RTF1: variants seen among roughly 807,000 people sequenced by gnomAD.
The protein encoded by RTF1 is RNA polymerase-associated protein RTF1 homolog.
RTF1 carries 10 observed loss-of-function variants against 95.7 expected under a neutral mutation model. That is an observed-to-expected ratio of 0.10 (90% CI 0.06 to 0.18). The LOEUF (loss-of-function observed/expected upper bound fraction) is 0.18, where lower values mean the gene tolerates loss of function less well. Among genes scored for constraint, RTF1 ranks in the 10% least tolerant of loss-of-function variants. The probability of loss-of-function intolerance (pLI) is 1.00; values close to 1 mark genes in which losing one functional copy is unlikely to be tolerated. For synonymous variants in RTF1, 305 were observed against 311.8 expected (o/e 0.98, Z 0.23); for missense variants, 458 against 875.6 (o/e 0.52, Z 6.02).
chr15:41,449,323 C>T (rs993222660), intron 2 of RTF1, among the ~76,000 whole-genome samples: 3 of 150,362 alleles, frequency 2.0e-5, no homozygotes, highest in Non-Finnish European at 4.4e-5. Flanking sequence ...CTCCGCCTCC[C>T]GGGTTCACAC....
At chr15:41,449,360 A>G (rs2050779178) in intron 2 of RTF1, among the ~76,000 whole-genome samples, 1 of 151,376 alleles carries the variant, frequency 6.6e-6, no homozygotes, top group South Asian at 2.1e-4. Context: ...CCTCCCAAGT[A>G]GCTGGGACTA....
chr15:41,444,014 G>A (rs1176193883), intron 2 of RTF1, among the ~76,000 whole-genome samples: 1 of 151,520 alleles, frequency 6.6e-6, no homozygotes, highest in East Asian at 1.9e-4. Context: ...CTTGCAGTGA[G>A]CCGAGATTGC....
At chr15:41,418,546 G>A (rs1477742315) in intron 1 of RTF1, among the ~76,000 whole-genome samples, 1 of 151,998 alleles carries the variant, frequency 6.6e-6, no homozygotes, top group Non-Finnish European at 1.5e-5. Context: ...GGCTGGGCGC[G>A]GTGGCTCACG....
At chr15:41,475,494 T>C in intron 9 of RTF1, 31 bp from the exon 10 acceptor site, 1 of 1,583,990 alleles carries the variant, frequency 6.3e-7, no homozygotes, top group Non-Finnish European at 8.7e-7. Context: ...ACATGCACAT[T>C]TCTTGGAGAT....
chr15:41,456,810 G>A (rs901947708), intron 3 of RTF1, among the ~76,000 whole-genome samples: 11 of 151,772 alleles, frequency 7.2e-5, no homozygotes, highest in Non-Finnish European at 4.4e-5. Context: ...AATAGGCCGA[G>A]CATGGTGGCT....
chr15:41,471,389 G>T, intron 8 of RTF1, 40 bp downstream of exon 8: 2 of 1,571,626 alleles, frequency 1.3e-6, no homozygotes, highest in Non-Finnish European at 1.7e-6. Flanking sequence ...CATGCTTTCA[G>T]TATAATTAGT....
intron 1 of RTF1, among the ~76,000 whole-genome samples, chr15:41,436,376 G>C (rs2050702526): frequency 6.6e-6 from 1 of 150,762 alleles, no homozygotes; most frequent in South Asian, 2.1e-4. Context: ...AGAATGGTGT[G>C]AACCCGGGAG....
chr15:41,481,981 G>A lies in RTF1; in HGVS notation c.*1294G>A, dbSNP rs887578062. ...TGTAATCCCAGCTACTCGGGGGGCTGAGACAGGAGAATCCCTTGAACCTGG... is the reference window on the plus strand; with the variant it reads ...TGTAATCCCAGCTACTCGGGGGGCTAAGACAGGAGAATCCCTTGAACCTGG... On this transcript the variant is annotated 3_prime_UTR_variant, in exon 18 of 18. Coordinates refer to ENST00000389629, the MANE Select transcript of RTF1 (RefSeq NM_015138.5). The A allele has an allele frequency of 1.3e-5, 2 of 152,268 alleles. No homozygotes were observed. Among genetic ancestry groups the A allele is most frequent in the Non-Finnish European group, 2.9e-5 (2 of 68,096 alleles). 9.4% of individuals were successfully genotyped at this position (152,268 alleles called of 1,614,324 possible).
chr15:41,430,942 G>T (rs979250323), intron 1 of RTF1, among the ~76,000 whole-genome samples: 2 of 151,740 alleles, frequency 1.3e-5, no homozygotes, highest in Non-Finnish European at 2.9e-5. Flanking sequence ...TTGCACTGTC[G>T]CCCGGGCTGG....
chr15:41,457,637 C>G, intron 3 of RTF1, 35 bp from the exon 4 acceptor site: 2 of 1,598,254 alleles, frequency 1.3e-6, no homozygotes, highest in Non-Finnish European at 1.7e-6. Flanking sequence ...TCTTCTGTAG[C>G]ATAGTGTAAT....
rs563681505 is a variant in RTF1 at position 41,435,955 on chromosome 15, A to G, written c.199-2366A>G. Among the ~76,000 whole-genome samples the G allele has an allele frequency of 9.2e-5, 14 of 152,248 alleles. 1 individual carries two copies. In the East Asian group the frequency reaches 2.7e-3, roughly 29 times the overall value. On this transcript the variant is annotated intron_variant, in intron 1 of 17. Transcript: ENST00000389629. The stretch of plus-strand genomic sequence containing the variant: ...CTGCCGAGGTTTGAATCCTGGCTCT[A>G]TCATGTACCAGCTGTGTTACTAGGT...
chr15:41,443,073 T>G (rs1446474997), intron 2 of RTF1, among the ~76,000 whole-genome samples: 2 of 152,140 alleles, frequency 1.3e-5, no homozygotes, highest in African/African-American at 2.4e-5. Context: ...GACAGAAAAT[T>G]GGTCAAGAAC....
At chr15:41,446,784 T>A (rs2050765569) in intron 2 of RTF1, among the ~76,000 whole-genome samples, 1 of 151,978 alleles carries the variant, frequency 6.6e-6, no homozygotes, top group Admixed American at 6.6e-5. Context: ...CAGTGTAGTT[T>A]GTCACTAGCC....
chr15:41,452,826 C>T, intron 2 of RTF1, 75 bp from the exon 3 acceptor site: 1 of 1,084,678 alleles, frequency 9.2e-7, no homozygotes, highest in Non-Finnish European at 1.3e-6. Flanking sequence ...AGACTCTTAA[C>T]TCTTGAGTCT....
chr15:41,445,403 CAACCT>C lies in RTF1; in HGVS notation c.309+6976_309+6980del, dbSNP rs755335691. Reference sequence around the variant, plus strand: ...TATTTTCAAGAAATTCCGACACTCCCAACCTAACAGTGTAATGTAGTATTAATTAT... The same window carrying C: ...TATTTTCAAGAAATTCCGACACTCCCAACAGTGTAATGTAGTATTAATTAT... On this transcript the variant is annotated intron_variant, in intron 2 of 17. Coordinates refer to ENST00000389629, the MANE Select transcript of RTF1 (RefSeq NM_015138.5). Among the ~76,000 whole-genome samples, 6 of 152,278 alleles carry C rather than the reference CAACCT, an allele frequency of 3.9e-5. No homozygotes were observed. The South Asian group carries it at 6.2e-4, about 16-fold the overall frequency.
chr15:41,456,488 C>CAA (rs554155784), intron 3 of RTF1, among the ~76,000 whole-genome samples: 60 of 113,626 alleles, frequency 5.3e-4, no homozygotes, highest in Admixed American at 1.5e-3. Context: ...GACTCTGTCT[C>CAA]AAAAAAAAAA....
At chr15:41,456,719 G>C (rs887615629) in intron 3 of RTF1, among the ~76,000 whole-genome samples, 1 of 151,980 alleles carries the variant, frequency 6.6e-6, no homozygotes, top group Non-Finnish European at 1.5e-5. Context: ...GAACCGGGGA[G>C]GTGGAGATGG....
At chr15:41,448,998 C>T (rs1313152449) in intron 2 of RTF1, among the ~76,000 whole-genome samples, 2 of 151,584 alleles carry the variant, frequency 1.3e-5, no homozygotes, top group African/African-American at 4.8e-5. Flanking sequence ...CATTCTCCTA[C>T]CTTAGCCTCC....
At chr15:41,475,468 G>A in intron 9 of RTF1, 57 bp from the exon 10 acceptor site, 1 of 1,426,228 alleles carries the variant, frequency 7.0e-7, no homozygotes, top group Non-Finnish European at 9.9e-7. Context: ...AGGTTGCTTT[G>A]CTTGTACTAC....
Sources: gnomAD v4.1 joint callset for allele counts (sites outside exome capture counted in the v4.1 genomes callset) on GRCh38, gnomAD v4.1.1 for gene constraint, MANE v1.5 for transcripts, NCBI Gene and HGNC (gene_info 2026-07-23, HGNC 2026-07-21) for gene names.